AKAP19: variants seen among roughly 807,000 people sequenced by gnomAD.
AKAP19 encodes A-kinase anchoring protein 19, also known as small A-kinase anchoring protein.
the AKAP19 span, among the ~76,000 whole-genome samples, chr2:190,070,650 T>C: frequency 7.2e-6 from 1 of 138,354 alleles, no homozygotes; most frequent in Non-Finnish European, 1.5e-5. Flanking sequence ...CTGCAGAATC[T>C]GGCTGAATAA....
the AKAP19 span, among the ~76,000 whole-genome samples, chr2:190,139,510 T>C: frequency 6.6e-6 from 1 of 152,174 alleles, no homozygotes; most frequent in Admixed American, 6.5e-5. Context: ...TCACTCACTG[T>C]TCTGCAGGGC....
chr2:190,089,932 T>A, the AKAP19 span, among the ~76,000 whole-genome samples: 1 of 152,322 alleles, frequency 6.6e-6, no homozygotes, highest in African/African-American at 2.4e-5. Flanking sequence ...TCAATTGTGC[T>A]AGGAGTCAAG....
the AKAP19 span, among the ~76,000 whole-genome samples, chr2:189,946,400 A>G: frequency 6.6e-6 from 1 of 152,172 alleles, no homozygotes; most frequent in Non-Finnish European, 1.5e-5. Flanking sequence ...ACTTGAGGCC[A>G]GAAGTTCAAT....
the AKAP19 span, among the ~76,000 whole-genome samples, chr2:190,011,050 CTTTTTTTTTTT>C: frequency 1.7e-5 from 1 of 59,552 alleles, no homozygotes; most frequent in Non-Finnish European, 3.3e-5. Context: ...CTCTCTCTCT[CTTTTTTTTTTT>C]TTTTTTTTTT....
the AKAP19 span, among the ~76,000 whole-genome samples, chr2:190,091,212 A>G: frequency 1.3e-5 from 2 of 152,376 alleles, no homozygotes; most frequent in Non-Finnish European, 1.5e-5. Flanking sequence ...TTCTAATGCC[A>G]TGTAAATCAG....
the AKAP19 span, among the ~76,000 whole-genome samples, chr2:190,120,724 A>G: frequency 6.6e-6 from 1 of 152,186 alleles, no homozygotes; most frequent in African/African-American, 2.4e-5. Context: ...TAAAGTTTTG[A>G]CAGAATTTTT....
chr2:189,977,709 AG>A, the AKAP19 span, among the ~76,000 whole-genome samples: 1 of 152,214 alleles, frequency 6.6e-6, no homozygotes, highest in Non-Finnish European at 1.5e-5. Flanking sequence ...AGAGAATAAA[AG>A]AGGTCTTGGA....
the AKAP19 span, chr2:190,180,459 C>G: frequency 1.0e-6 from 1 of 985,382 alleles, no homozygotes; most frequent in Admixed American, 6.1e-5. This position sits in a 1 kb window ranked among gnomAD's most constrained non-coding sequence, Gnocchi z 6.8. Flanking sequence ...GCAGGGCCAG[C>G]GAAATGCCTC....
the AKAP19 span, among the ~76,000 whole-genome samples, chr2:189,945,492 C>A: frequency 6.6e-6 from 1 of 152,202 alleles, no homozygotes; most frequent in Non-Finnish European, 1.5e-5. Context: ...CAGAGTCACC[C>A]AACTAAGTCA....
the AKAP19 span, among the ~76,000 whole-genome samples, chr2:190,050,786 T>A: frequency 6.6e-6 from 1 of 152,190 alleles, no homozygotes; most frequent in Non-Finnish European, 1.5e-5. Context: ...AGACAATTTG[T>A]TGGGAAGAGA....
the AKAP19 span, among the ~76,000 whole-genome samples, chr2:189,945,539 C>A: frequency 6.6e-6 from 1 of 152,266 alleles, no homozygotes; most frequent in Middle Eastern, 3.4e-3. Flanking sequence ...GATTATAAAG[C>A]CAAAGACTAA....
At chr2:190,180,833 C>G in the AKAP19 span, 1 of 985,224 alleles carries the variant, frequency 1.0e-6, no homozygotes, top group Non-Finnish European at 1.2e-6. The surrounding 1 kb of genome is among the most constrained non-coding windows in gnomAD (Gnocchi z 6.8). Flanking sequence ...GCCGGGAGCC[C>G]GGGCGCCGCC....
At chr2:190,154,905 T>G in the AKAP19 span, among the ~76,000 whole-genome samples, 336 of 152,308 alleles carry the variant, frequency 2.2e-3, 3 homozygotes, top group Non-Finnish European at 4.0e-3. Flanking sequence ...AGAAGAGATC[T>G]GTGTTTGGAG....
At chr2:190,097,236 C>T in the AKAP19 span, among the ~76,000 whole-genome samples, 2 of 152,234 alleles carry the variant, frequency 1.3e-5, no homozygotes, top group African/African-American at 4.8e-5. Flanking sequence ...TAACCCCTAC[C>T]CCAACAGGCC....
the AKAP19 span, among the ~76,000 whole-genome samples, chr2:189,968,831 CAAGAAAGTTTTTTATAA>C: frequency 6.6e-6 from 1 of 151,810 alleles, no homozygotes; most frequent in African/African-American, 2.4e-5. Flanking sequence ...ATACTCTAAT[CAAGAAAGTTTTTTATAA>C]AAATAGATAT....
At chr2:190,157,393 C>CACACACACACACACATAT in the AKAP19 span, among the ~76,000 whole-genome samples, 1 of 149,236 alleles carries the variant, frequency 6.7e-6, no homozygotes, top group Non-Finnish European at 1.5e-5. Context: ...CACACACACA[C>CACACACACACACACATAT]ATATCACAGG....
chr2:189,994,847 C>T, the AKAP19 span, among the ~76,000 whole-genome samples: 3 of 152,166 alleles, frequency 2.0e-5, no homozygotes, highest in Non-Finnish European at 4.4e-5. Context: ...TATCCAACTG[C>T]CTTGGCTTCC....
chr2:190,116,839 G>A, the AKAP19 span, among the ~76,000 whole-genome samples: 1 of 152,130 alleles, frequency 6.6e-6, no homozygotes, highest in Admixed American at 6.5e-5. Context: ...ATGTATTTAG[G>A]CAGATTCATA....
At chr2:190,117,750 C>T in the AKAP19 span, among the ~76,000 whole-genome samples, 51 of 152,268 alleles carry the variant, frequency 3.3e-4, no homozygotes, top group African/African-American at 1.1e-3. Context: ...TCTGGCTCCC[C>T]GAAGAAAGCC....
Sources: allele counts gnomAD v4.1 joint callset (sites outside exome capture counted in the v4.1 genomes callset), GRCh38; gene constraint gnomAD v4.1.1; non-coding constraint Gnocchi (gnomAD v3.1); transcripts MANE v1.5; gene names NCBI Gene and HGNC (gene_info 2026-07-23, HGNC 2026-07-21).